KIAA1217: variants seen among roughly 807,000 people sequenced by gnomAD.
KIAA1217 encodes KIAA1217.
KIAA1217 carries 88 observed loss-of-function variants against 163.9 expected under a neutral mutation model. The observed-to-expected ratio is 0.54, with a 90% CI of 0.45 to 0.64. The LOEUF (loss-of-function observed/expected upper bound fraction) is 0.64. KIAA1217 is among the 30% of genes least tolerant of loss of function. The pLI, the probability that KIAA1217 is intolerant of heterozygous loss-of-function variation, is 0.00. For missense variants in KIAA1217, 2,372 were observed against 2,475.0 expected (o/e 0.96, Z 0.88); for synonymous variants, 903 against 923.1 (o/e 0.98, Z 0.39).
At chr10:23,998,050 C>A (rs935653100) in intron 1 of KIAA1217, among the ~76,000 whole-genome samples, 1 of 151,824 alleles carries the variant, frequency 6.6e-6, no homozygotes, top group African/African-American at 2.4e-5. Context: ...ACCAACTCCC[C>A]AGGAATGTCC....
intron 2 of KIAA1217, among the ~76,000 whole-genome samples, chr10:24,132,384 C>T (rs1429532715): frequency 2.6e-5 from 4 of 152,180 alleles, no homozygotes; most frequent in Admixed American, 6.5e-5. Flanking sequence ...GTCCTGAATG[C>T]CAGTCGCTGT....
At chr10:24,125,561 T>G (rs554590837) in intron 2 of KIAA1217, among the ~76,000 whole-genome samples, 3 of 152,134 alleles carry the variant, frequency 2.0e-5, no homozygotes, top group Non-Finnish European at 4.4e-5. Flanking sequence ...ATGTCACTTT[T>G]TTTACAGCTT....
At chr10:24,151,411 C>T (rs2064606514) in intron 2 of KIAA1217, among the ~76,000 whole-genome samples, 1 of 148,004 alleles carries the variant, frequency 6.8e-6, no homozygotes, top group South Asian at 2.2e-4. Flanking sequence ...GGTATAGAAT[C>T]TGACTAGAGG....
chr10:24,542,458 AT>A, intron 17 of KIAA1217: 1 of 1,365,512 alleles, frequency 7.3e-7, no homozygotes, highest in Non-Finnish European at 9.5e-7. Context: ...AAAATTTTAA[AT>A]TCTTGAAATC....
At chr10:24,285,591 C>T (rs1390326756) in intron 2 of KIAA1217, among the ~76,000 whole-genome samples, 1 of 152,138 alleles carries the variant, frequency 6.6e-6, no homozygotes, top group Non-Finnish European at 1.5e-5. Flanking sequence ...TGTACCAGCA[C>T]CATGCTATTT....
chr10:24,293,102 G>A (rs2079264301), intron 2 of KIAA1217, among the ~76,000 whole-genome samples: 1 of 152,164 alleles, frequency 6.6e-6, no homozygotes. Flanking sequence ...GAGTACAGTG[G>A]CGTAATCTTG....
At chr10:24,532,098 T>A (rs1336940340) in intron 15 of KIAA1217, 105 bp downstream of exon 15, 2 of 1,057,586 alleles carry the variant, frequency 1.9e-6, no homozygotes, top group Non-Finnish European at 2.5e-6. Flanking sequence ...AGAGAAGTAG[T>A]AACTCGACCA....
chr10:24,382,849 T>C (rs1399023032), intron 3 of KIAA1217, among the ~76,000 whole-genome samples: 8 of 114,114 alleles, frequency 7.0e-5, no homozygotes, highest in Non-Finnish European at 1.1e-4. Flanking sequence ...CTTTTCTTTT[T>C]TTTTTTTTTT....
At chr10:23,826,503 A>C (rs1837906432) in intron 1 of KIAA1217, among the ~76,000 whole-genome samples, 1 of 152,218 alleles carries the variant, frequency 6.6e-6, no homozygotes, top group Non-Finnish European at 1.5e-5. Context: ...AAAAGAAAAC[A>C]GCCTTGACTG....
At chr10:23,725,646 A>G (rs1183024751) in intron 1 of KIAA1217, among the ~76,000 whole-genome samples, 1 of 152,242 alleles carries the variant, frequency 6.6e-6, no homozygotes, top group African/African-American at 2.4e-5. Context: ...TAGTTAATGG[A>G]ATAATTAATG....
chr10:24,391,333 C>CTTT lies in KIAA1217; in HGVS notation c.553+10291_553+10293dup, dbSNP rs768727392. On this transcript the variant is annotated intron_variant, in intron 3 of 20. Transcript: ENST00000376454. The stretch of plus-strand genomic sequence containing the variant: ...GGTTCTCCTGTTTCTTTCTTTCTTT[C>CTTT]TTTTTTTTTTTTTTTTTTTTTTTTT... 2.7e-3 allele frequency among the ~76,000 whole-genome samples: 80 copies of CTTT among 29,880 alleles called. 1 individual carries two copies. The highest frequency in any genetic ancestry group is 3.6e-3 in the African/African-American group (14 of 3,894). 19.6% of individuals were successfully genotyped at this position (29,880 alleles called of 152,430 possible).
At chr10:24,069,119 G>A (rs200222941) in intron 2 of KIAA1217, among the ~76,000 whole-genome samples, 20 of 152,186 alleles carry the variant, frequency 1.3e-4, no homozygotes, top group East Asian at 9.6e-4. Context: ...GCAGAGCTAC[G>A]GCAAGTGTTC....
chr10:24,393,484 C>A (rs893077589), intron 3 of KIAA1217, among the ~76,000 whole-genome samples: 28 of 152,174 alleles, frequency 1.8e-4, no homozygotes, highest in African/African-American at 6.3e-4. Flanking sequence ...CAGGCACCAC[C>A]ATGACGCTCT....
intron 1 of KIAA1217, among the ~76,000 whole-genome samples, chr10:23,887,070 G>A (rs1434654772): frequency 2.0e-5 from 3 of 151,806 alleles, no homozygotes. Context: ...TAAGAGTCAG[G>A]AATCCTAGAT....
chr10:24,306,114 C>A (rs2041981255), intron 2 of KIAA1217, among the ~76,000 whole-genome samples: 1 of 152,150 alleles, frequency 6.6e-6, no homozygotes, highest in Non-Finnish European at 1.5e-5. Context: ...AAAAATATAT[C>A]TTTTTGTTTT....
At chr10:24,210,872 C>T (rs1048173566) in intron 1 of KIAA1217, among the ~76,000 whole-genome samples, 5 of 151,252 alleles carry the variant, frequency 3.3e-5, no homozygotes, top group African/African-American at 1.2e-4. Flanking sequence ...TTAGATGGCA[C>T]GGCTGCTGGA....
At chr10:23,989,638 T>C (rs1846129364) in intron 1 of KIAA1217, among the ~76,000 whole-genome samples, 1 of 152,174 alleles carries the variant, frequency 6.6e-6, no homozygotes, top group South Asian at 2.1e-4. Context: ...TATTCCAAGG[T>C]GCCATATTTT....
At chr10:24,482,183 A>G (rs1304006117) in intron 6 of KIAA1217, 4 of 152,222 alleles carry the variant, frequency 2.6e-5, no homozygotes, top group Non-Finnish European at 5.9e-5. Flanking sequence ...AGCAGCCACA[A>G]GGTCTGTGTG....
At chr10:24,486,740 C>G (rs2065451103) in intron 6 of KIAA1217, among the ~76,000 whole-genome samples, 1 of 152,238 alleles carries the variant, frequency 6.6e-6, no homozygotes, top group South Asian at 2.1e-4. Flanking sequence ...GAAGCCCTGT[C>G]TGCTCACCCT....
Sources: gnomAD v4.1 joint callset for allele counts (sites outside exome capture counted in the v4.1 genomes callset) on GRCh38, gnomAD v4.1.1 for gene constraint, MANE v1.5 for transcripts, NCBI Gene and HGNC (gene_info 2026-07-23, HGNC 2026-07-21) for gene names.